PLCZ1: variants seen among roughly 807,000 people sequenced by gnomAD.
PLCZ1 encodes phospholipase C zeta 1, also known as 1-phosphatidylinositol 4,5-bisphosphate phosphodiesterase zeta-1.
Under a neutral mutation model 76.8 loss-of-function variants are expected in PLCZ1, and 64 were observed. The observed-to-expected ratio is 0.83, with a 90% confidence interval of 0.68 to 1.03. PLCZ1 has a LOEUF of 1.03. PLCZ1 is among the 50% of genes least tolerant of loss of function. The pLI, the probability that PLCZ1 is intolerant of heterozygous loss-of-function variation, is 0.00. For missense variants in PLCZ1, 751 were observed against 713.7 expected (o/e 1.05, Z -0.60); for synonymous variants, 248 against 230.8 (o/e 1.07, Z -0.68).
intron 11 of PLCZ1, among the ~76,000 whole-genome samples, chr12:18,695,821 G>A (rs548955091): frequency 2.2e-4 from 34 of 152,190 alleles, no homozygotes; most frequent in Admixed American, 2.2e-3. Context: ...ATTTGAAGAG[G>A]CCTTGAGCAT....
intron 6 of PLCZ1, among the ~76,000 whole-genome samples, chr12:18,710,790 T>C (rs1292912691): frequency 6.6e-6 from 1 of 152,070 alleles, no homozygotes; most frequent in Non-Finnish European, 1.5e-5. Context: ...AAAATGCTCA[T>C]CATCACTGGC....
the PLCZ1 span, among the ~76,000 whole-genome samples, chr12:18,670,346 T>A: frequency 4.2e-4 from 64 of 152,184 alleles, no homozygotes; most frequent in East Asian, 7.4e-3. Context: ...AATCACATTG[T>A]TGATTTAGAC....
chr12:18,723,215 A>G, intron 4 of PLCZ1, 96 bp downstream of exon 4: 1 of 1,099,984 alleles, frequency 9.1e-7, no homozygotes, highest in Non-Finnish European at 1.3e-6. Flanking sequence ...TGATAACCAC[A>G]ATTCATAAAA....
At chr12:18,731,518 T>C (rs965902083) in intron 3 of PLCZ1, among the ~76,000 whole-genome samples, 1 of 148,056 alleles carries the variant, frequency 6.8e-6, no homozygotes, top group Non-Finnish European at 1.5e-5. Flanking sequence ...GTCATTTCTG[T>C]GAGTAATAAG....
chr12:18,693,591 G>A (rs539844812), intron 12 of PLCZ1: 44 of 1,590,232 alleles, frequency 2.8e-5, no homozygotes, highest in African/African-American at 2.7e-4. Flanking sequence ...GAATTGTTTC[G>A]AGTTGCTGAA....
rs1173770110 is a variant in PLCZ1, at chr12:18,736,251, G to T, written c.105C>A (p.Cys35Ter). The T allele has an allele frequency of 1.9e-6, 3 of 1,612,610 alleles. No homozygotes were observed. In the East Asian group the frequency reaches 6.7e-5, roughly 36 times the overall value. The change falls in exon 3 of 15, where the codon TGC becomes TGA. Residue 35 changes from cysteine (C) to a stop codon, truncating the protein, a stop_gained. Transcript: ENST00000266505. LOFTEE classifies it high-confidence loss of function. ...AAATCTGTTTCACATGAATATAACTGCACCGAATATCTAATTTTTCAAGTA... is the reference window on the plus strand; with the variant it reads ...AAATCTGTTTCACATGAATATAACTTCACCGAATATCTAATTTTTCAAGTA... ...QRLLEKLDIRCSYIHVKQIFK... is the reference protein window; with the variant it reads ...QRLLEKLDIR
At chr12:18,655,179 A>C in the PLCZ1 span, among the ~76,000 whole-genome samples, 1 of 152,178 alleles carries the variant, frequency 6.6e-6, no homozygotes, top group African/African-American at 2.4e-5. Flanking sequence ...TCATACGGTG[A>C]AAATATTAAT....
chr12:18,735,392 G>C (rs75437420), intron 3 of PLCZ1, among the ~76,000 whole-genome samples: 1 of 151,830 alleles, frequency 6.6e-6, no homozygotes, highest in Non-Finnish European at 1.5e-5. Flanking sequence ...GCTTTTCTTC[G>C]TTGGGCAGTT....
At chr12:18,681,488 G>A (rs753213453), downstream of PLCZ1, among the ~76,000 whole-genome samples, 29 of 152,098 alleles carry the variant, frequency 1.9e-4, no homozygotes, top group East Asian at 5.8e-4. Context: ...CTAAATGTGA[G>A]AACATTCCCT....
intron 2 of PLCZ1, chr12:18,736,612 A>G (rs908411688): frequency 3.7e-5 from 48 of 1,290,690 alleles, no homozygotes; most frequent in Non-Finnish European, 1.1e-5. Context: ...ATTACTTAGA[A>G]CATACATTAA....
intron 2 of PLCZ1, chr12:18,736,721 C>T (rs1049226824): frequency 2.4e-6 from 3 of 1,272,958 alleles, no homozygotes; most frequent in African/African-American, 3.1e-5. Flanking sequence ...TTCTCTCTTC[C>T]AGAAAGGTGA....
intron 12 of PLCZ1, chr12:18,692,720 A>T: frequency 1.2e-6 from 1 of 822,826 alleles, no homozygotes; most frequent in Admixed American, 2.3e-5. Flanking sequence ...TGAATCATCA[A>T]CATAAAGAAA....
intron 12 of PLCZ1, chr12:18,694,055 C>A (rs1592051719): frequency 1.5e-6 from 2 of 1,356,128 alleles, no homozygotes; most frequent in East Asian, 2.3e-5. Flanking sequence ...AGAAAATGTT[C>A]TTTATAAGAA....
At chr12:18,665,212 C>T in the PLCZ1 span, among the ~76,000 whole-genome samples, 1 of 151,224 alleles carries the variant, frequency 6.6e-6, no homozygotes, top group South Asian at 2.1e-4. Flanking sequence ...ATGGTGGTTG[C>T]CAGGGACTGG....
At chr12:18,664,161 T>C in the PLCZ1 span, among the ~76,000 whole-genome samples, 1 of 152,212 alleles carries the variant, frequency 6.6e-6, no homozygotes, top group Non-Finnish European at 1.5e-5. Flanking sequence ...GGAACGCTTA[T>C]GTACTGTTGG....
At chr12:18,727,327 G>T (rs1185071409) in intron 3 of PLCZ1, among the ~76,000 whole-genome samples, 1 of 152,068 alleles carries the variant, frequency 6.6e-6, no homozygotes, top group African/African-American at 2.4e-5. Flanking sequence ...TGGCCTGGGT[G>T]ACAGAGCAAG....
At chr12:18,706,338 G>A (rs1956617681) in intron 6 of PLCZ1, among the ~76,000 whole-genome samples, 1 of 151,828 alleles carries the variant, frequency 6.6e-6, no homozygotes, top group Non-Finnish European at 1.5e-5. Context: ...AAAGTAGCAT[G>A]CTATATTTTT....
intron 3 of PLCZ1, among the ~76,000 whole-genome samples, chr12:18,724,800 T>C (rs1036397716): frequency 3.4e-4 from 52 of 152,082 alleles, no homozygotes; most frequent in African/African-American, 1.2e-3. Context: ...TCAATAAAAA[T>C]TTAAAATGTG....
chr12:18,694,987 G>T lies in PLCZ1; in HGVS notation c.1384C>A (p.His462Asn). Residue 462 changes from histidine (H) to asparagine (N), a missense_variant, in exon 12 of 15, where the codon CAT (histidine) becomes AAT (asparagine). Coordinates refer to ENST00000266505, the MANE Select transcript of PLCZ1 (RefSeq NM_033123.4). The part of the protein sequence containing the change: ...NGGSGYILKP[H>N]FLRESKSYFN... Reference sequence around the variant, plus strand: ...TATGATTTACTCTCTCTTAAGAAATGTGGTTTCAAAATATATCCAGAACCA... The same window carrying T: ...TATGATTTACTCTCTCTTAAGAAATTTGGTTTCAAAATATATCCAGAACCA... 2 of 1,609,694 alleles carry T rather than the reference G, an allele frequency of 1.2e-6. No homozygotes were observed. Among genetic ancestry groups the T allele is most frequent in the Non-Finnish European group, 1.7e-6 (2 of 1,176,384 alleles).
Sources: allele counts gnomAD v4.1 joint callset (sites outside exome capture counted in the v4.1 genomes callset), GRCh38; gene constraint gnomAD v4.1.1; transcripts MANE v1.5; gene names NCBI Gene and HGNC (gene_info 2026-07-23, HGNC 2026-07-21).